Variants in HDAC9 observed in about 807,000 individuals in gnomAD.
HDAC9 encodes the protein MEF-2 interacting transcription repressor (MITR) protein.
HDAC9 carries 41 observed loss-of-function variants against 139.4 expected under a neutral mutation model. The observed-to-expected ratio is 0.29, with a 90% CI of 0.23 to 0.38. The LOEUF (loss-of-function observed/expected upper bound fraction) is 0.38, where lower values mean the gene tolerates loss of function less well. Ranked by LOEUF, HDAC9 falls within the 10% of genes least tolerant of loss-of-function variation. The pLI is 1.00. For synonymous variants in HDAC9, 517 were observed against 476.2 expected (o/e 1.09, Z -1.12); for missense variants, 1,147 against 1,297.0 (o/e 0.88, Z 1.78).
intron 1 of HDAC9, among the ~76,000 whole-genome samples, chr7:18,308,912 T>C (rs778570728): frequency 6.6e-6 from 1 of 152,192 alleles, no homozygotes; most frequent in Non-Finnish European, 1.5e-5. Context: ...GCTTTACCTG[T>C]GTGCATAGAT....
intron 24 of HDAC9, among the ~76,000 whole-genome samples, chr7:18,960,165 A>T (rs1783434364): frequency 6.6e-6 from 1 of 152,188 alleles, no homozygotes; most frequent in Non-Finnish European, 1.5e-5. Context: ...GTAACTATGT[A>T]ATTGACTAAA....
At position 18,975,778 on chromosome 7, in the gene HDAC9, T is replaced by A. The variant is rs559549918; in HGVS notation, c.3023-28T>A. 1.2e-5 allele frequency: 19 copies of A among 1,609,058 alleles called. No homozygotes were observed. The Admixed American group carries it at 2.5e-4, about 21-fold the overall frequency. ...TTATTACTGCTGTAATTACAATTCT[T>A]ATGAAGTATGATGGATGTTTTTCCT... On this transcript the variant is annotated intron_variant, in intron 24 of 25. Transcript: ENST00000686413.
intron 7 of HDAC9, 71 bp from the exon 8 acceptor site, chr7:18,634,556 A>G (rs1783308488): frequency 4.5e-6 from 4 of 895,960 alleles, no homozygotes; most frequent in South Asian, 1.6e-5. Flanking sequence ...CCAATGTTAC[A>G]TGTTACAGTA....
chr7:18,667,445 C>G (rs1309913260), intron 12 of HDAC9: 11 of 984,118 alleles, frequency 1.1e-5, no homozygotes, highest in Non-Finnish European at 1.2e-5. Flanking sequence ...CCGTAACATT[C>G]TGGCAAATAA....
In HDAC9 at chr7:18,669,519, C is replaced by T. The variant is rs545856666; in HGVS notation, c.1731+3043C>T. 1.1e-4 allele frequency among the ~76,000 whole-genome samples: 17 copies of T among 151,862 alleles called. No homozygotes were observed. The South Asian group carries it at 3.5e-3, about 31-fold the overall frequency. The stretch of plus-strand genomic sequence containing the variant: ...AGAAATCTGGAGCTATAATTATTGA[C>T]TGTTACAGAATGGATTATCATTTTA... On this transcript the variant is annotated intron_variant, in intron 12 of 25. Transcript: ENST00000686413.
At chr7:18,539,901 CAAAAT>C (rs1457361341) in intron 2 of HDAC9, among the ~76,000 whole-genome samples, 6 of 151,482 alleles carry the variant, frequency 4.0e-5, no homozygotes, top group African/African-American at 7.3e-5. Context: ...TAAAATAAAA[CAAAAT>C]AAAAGAAACA....
chr7:18,438,714 G>C (rs1791463421), intron 1 of HDAC9, among the ~76,000 whole-genome samples: 1 of 151,926 alleles, frequency 6.6e-6, no homozygotes, highest in Non-Finnish European at 1.5e-5. Context: ...TGTGGTGCAT[G>C]TGTGTAAATG....
intron 2 of HDAC9, among the ~76,000 whole-genome samples, chr7:18,571,809 A>G (rs1824382236): frequency 1.3e-5 from 2 of 152,048 alleles, no homozygotes; most frequent in African/African-American, 4.8e-5. Context: ...TATATCACAC[A>G]TGGCATTTCA....
intron 8 of HDAC9, among the ~76,000 whole-genome samples, chr7:18,640,397 G>A (rs1376800501): frequency 7.0e-6 from 1 of 142,254 alleles, no homozygotes. Flanking sequence ...GGAAAAGTAG[G>A]TAATTATTTA....
intron 1 of HDAC9, among the ~76,000 whole-genome samples, chr7:18,374,342 G>C (rs889718195): frequency 5.3e-5 from 8 of 151,850 alleles, no homozygotes; most frequent in African/African-American, 1.7e-4. Flanking sequence ...GACTGGGATA[G>C]GTTCTGATAA....
At chr7:18,256,909 A>G (rs1423954212) in intron 2 of HDAC9, among the ~76,000 whole-genome samples, 1 of 151,876 alleles carries the variant, frequency 6.6e-6, no homozygotes, top group Non-Finnish European at 1.5e-5. Context: ...GCAACATAGT[A>G]AGGCCACATC....
chr7:18,698,716 G>A (rs914697787), intron 12 of HDAC9, among the ~76,000 whole-genome samples: 4 of 152,190 alleles, frequency 2.6e-5, no homozygotes, highest in Non-Finnish European at 5.9e-5. Flanking sequence ...CCTGTCCAAT[G>A]GAAGTGACTT....
chr7:18,986,715 C>G (rs1319728663), intron 25 of HDAC9, among the ~76,000 whole-genome samples: 2 of 152,200 alleles, frequency 1.3e-5, no homozygotes, highest in African/African-American at 2.4e-5. Context: ...ATGGAATATT[C>G]TCCCATTTGT....
chr7:18,353,089 C>T (rs1462657653), intron 1 of HDAC9, among the ~76,000 whole-genome samples: 2 of 152,026 alleles, frequency 1.3e-5, no homozygotes, highest in Admixed American at 6.6e-5. Flanking sequence ...ATTACAAAAC[C>T]AACTCTTTAT....
intron 6 of HDAC9, among the ~76,000 whole-genome samples, chr7:18,598,183 G>GA (rs1424219291): frequency 6.6e-6 from 1 of 152,054 alleles, no homozygotes; most frequent in Admixed American, 6.6e-5. Context: ...GTGCATGTGT[G>GA]AATTGCATAC....
chr7:18,470,932 C>G (rs1461278166), intron 1 of HDAC9, among the ~76,000 whole-genome samples: 1 of 151,884 alleles, frequency 6.6e-6, no homozygotes, highest in Non-Finnish European at 1.5e-5. Flanking sequence ...TATTTATATA[C>G]TAGGATATCT....
Position 18,653,162 on chromosome 7 carries a change from C to T in HDAC9, c.1467+4479C>T, listed in dbSNP as rs922143274. 2.0e-5 allele frequency among the ~76,000 whole-genome samples: 3 copies of T among 148,416 alleles called. No homozygotes were observed. In the Admixed American group the frequency reaches 2.0e-4, roughly 10 times the overall value. On this transcript the variant is annotated intron_variant, in intron 11 of 25. Coordinates refer to ENST00000686413, the MANE Select transcript of HDAC9 (RefSeq NM_178425.4). ...CTGAGGCAGGAGAATCGCTTGAACC[C>T]AGGAGGCAGAGGTTGCAGTGAGCTG... is the stretch of plus-strand genomic sequence containing the variant.
intron 23 of HDAC9, among the ~76,000 whole-genome samples, chr7:18,948,474 T>A (rs1311404081): frequency 6.6e-6 from 1 of 152,140 alleles, no homozygotes; most frequent in Non-Finnish European, 1.5e-5. Context: ...AATAAAAGTT[T>A]AAGAATACAC....
chr7:18,271,074 A>G (rs553095473), intron 2 of HDAC9, among the ~76,000 whole-genome samples: 12 of 152,330 alleles, frequency 7.9e-5, no homozygotes, highest in Admixed American at 5.2e-4. Flanking sequence ...AATAATTTCT[A>G]CAAAGTTTGT....
Sources: gnomAD v4.1 joint callset for allele counts (sites outside exome capture counted in the v4.1 genomes callset) on GRCh38, gnomAD v4.1.1 for gene constraint, MANE v1.5 for transcripts, NCBI Gene and HGNC (gene_info 2026-07-23, HGNC 2026-07-21) for gene names.